GRM7: variants seen among roughly 807,000 people sequenced by gnomAD.
GRM7 encodes the protein glutamate metabotropic receptor 7.
GRM7 carries 35 observed loss-of-function variants against 84.5 expected under a neutral mutation model. The ratio of observed to expected loss-of-function variants is 0.41; its 90% confidence interval spans 0.32 to 0.55. The LOEUF (loss-of-function observed/expected upper bound fraction) is 0.55, where lower values mean the gene tolerates loss of function less well. Ranked by LOEUF, GRM7 falls within the 20% of genes least tolerant of loss-of-function variation. The pLI, the probability that GRM7 is intolerant of heterozygous loss-of-function variation, is 0.19. For synonymous variants in GRM7, 487 were observed against 455.1 expected (o/e 1.07, Z -0.89); for missense variants, 1,003 against 1,194.6 (o/e 0.84, Z 2.36).
chr3:7,043,055 C>T (rs1223980908), intron 1 of GRM7, among the ~76,000 whole-genome samples: 1 of 152,196 alleles, frequency 6.6e-6, no homozygotes, highest in Non-Finnish European at 1.5e-5. Flanking sequence ...GTTTTGAGTA[C>T]TGTCTCCAAT....
intron 1 of GRM7, among the ~76,000 whole-genome samples, chr3:7,071,665 CTAAAT>C: frequency 1.3e-5 from 2 of 152,026 alleles, no homozygotes; most frequent in South Asian, 4.2e-4. Flanking sequence ...TTGAGTGAGG[CTAAAT>C]TATTTTCACT....
At chr3:7,609,638 G>C (rs1013844901) in intron 8 of GRM7, among the ~76,000 whole-genome samples, 4 of 152,076 alleles carry the variant, frequency 2.6e-5, no homozygotes, top group Admixed American at 6.6e-5. Context: ...TATAAATGGA[G>C]TAAATGAAGG....
At chr3:7,363,247 T>C (rs1693745835) in intron 4 of GRM7, among the ~76,000 whole-genome samples, 1 of 152,004 alleles carries the variant, frequency 6.6e-6, no homozygotes, top group African/African-American at 2.4e-5. Flanking sequence ...AATAACAGTC[T>C]ATGTGAATCA....
At chr3:6,872,691 C>G (rs1167028573) in intron 1 of GRM7, among the ~76,000 whole-genome samples, 3 of 152,016 alleles carry the variant, frequency 2.0e-5, no homozygotes, top group Non-Finnish European at 4.4e-5. Flanking sequence ...TCAACTCCCA[C>G]TTATGAGTGA....
intron 5 of GRM7, among the ~76,000 whole-genome samples, chr3:7,440,178 T>C (rs1410156345): frequency 5.9e-5 from 9 of 152,146 alleles, no homozygotes; most frequent in Admixed American, 5.9e-4. Context: ...GATTTATTTC[T>C]GAGAATGTTC....
At chr3:7,565,986 GT>G (rs1392569418) in intron 7 of GRM7, among the ~76,000 whole-genome samples, 1 of 152,030 alleles carries the variant, frequency 6.6e-6, no homozygotes, top group African/African-American at 2.4e-5. Flanking sequence ...ATTTAAATAT[GT>G]TTGGTTAAGG....
At chr3:7,062,308 T>C (rs905196847) in intron 1 of GRM7, among the ~76,000 whole-genome samples, 3 of 151,560 alleles carry the variant, frequency 2.0e-5, no homozygotes, top group African/African-American at 7.3e-5. Flanking sequence ...TCAAAGAACA[T>C]GAAGGAGACG....
At chr3:7,187,586 G>A (rs989645035) in intron 2 of GRM7, among the ~76,000 whole-genome samples, 9 of 152,152 alleles carry the variant, frequency 5.9e-5, no homozygotes, top group Admixed American at 4.6e-4. Context: ...TTGCAGCTCC[G>A]TGATTGCTCC....
At chr3:7,460,930 G>C (rs944837377) in intron 6 of GRM7, among the ~76,000 whole-genome samples, 1 of 152,124 alleles carries the variant, frequency 6.6e-6, no homozygotes, top group Admixed American at 6.5e-5. Flanking sequence ...CAGAATAATT[G>C]GTTGTGTCTT....
At chr3:7,597,932 TTTCTC>T (rs1696128816) in intron 8 of GRM7, among the ~76,000 whole-genome samples, 1 of 152,102 alleles carries the variant, frequency 6.6e-6, no homozygotes, top group South Asian at 2.1e-4. Context: ...TTGAGGCAGT[TTTCTC>T]TCCTCATCCT....
At chr3:7,612,095 A>G (rs144852380) in intron 8 of GRM7, among the ~76,000 whole-genome samples, 2 of 152,226 alleles carry the variant, frequency 1.3e-5, no homozygotes, top group Non-Finnish European at 2.9e-5. Flanking sequence ...AGTCTTGGTT[A>G]GTAATTCTGT....
chr3:7,635,706 C>G (rs774736143), intron 8 of GRM7, among the ~76,000 whole-genome samples: 1 of 152,138 alleles, frequency 6.6e-6, no homozygotes, highest in Non-Finnish European at 1.5e-5. Context: ...CAAGGTCTTG[C>G]TGTGTTGCCC....
At chr3:7,424,237 T>G (rs1290972189) in intron 5 of GRM7, among the ~76,000 whole-genome samples, 1 of 151,976 alleles carries the variant, frequency 6.6e-6, no homozygotes, top group Non-Finnish European at 1.5e-5. Context: ...TAGGTGCCAT[T>G]GTTGTGGTTG....
At position 7,047,888 on chromosome 3, in the gene GRM7, C is replaced by G. The variant is rs1054362005; in HGVS notation, c.520-98564C>G. ...TTTATTTTGAAAATTACCGTGAGACCTCAACTTCACAATTCTACTAATGTC... is the reference window on the plus strand; with the variant it reads ...TTTATTTTGAAAATTACCGTGAGACGTCAACTTCACAATTCTACTAATGTC... On this transcript the variant is annotated intron_variant, in intron 1 of 9. Coordinates refer to ENST00000357716, the MANE Select transcript of GRM7 (RefSeq NM_000844.4). 2.6e-5 allele frequency among the ~76,000 whole-genome samples: 4 copies of G among 152,010 alleles called. No individual in the cohort carries two copies. In the South Asian group the frequency reaches 8.3e-4, roughly 32 times the overall value.
At chr3:7,426,759 C>T (rs972235413) in intron 5 of GRM7, among the ~76,000 whole-genome samples, 2 of 152,184 alleles carry the variant, frequency 1.3e-5, no homozygotes, top group Non-Finnish European at 1.5e-5. Flanking sequence ...TTCACATCCC[C>T]AGCCCTAGGC....
chr3:7,472,808 C>T (rs1012589147), intron 7 of GRM7, among the ~76,000 whole-genome samples: 3 of 152,306 alleles, frequency 2.0e-5, no homozygotes, highest in East Asian at 1.9e-4. Context: ...ATAACTTAGT[C>T]GTGCTAACTA....
At chr3:7,329,424 T>C (rs1701111994) in intron 4 of GRM7, among the ~76,000 whole-genome samples, 1 of 152,194 alleles carries the variant, frequency 6.6e-6, no homozygotes, top group Admixed American at 6.5e-5. Context: ...TTGCCGGTAA[T>C]TGAGAAGTTG....
chr3:7,321,593 TTG>T (rs1454581264), intron 4 of GRM7, among the ~76,000 whole-genome samples: 1 of 151,954 alleles, frequency 6.6e-6, no homozygotes, highest in Non-Finnish European at 1.5e-5. Context: ...ACTCTTGGGT[TTG>T]TGGCAGTTTT....
chr3:7,654,039 A>G (rs922337588), intron 8 of GRM7, among the ~76,000 whole-genome samples: 4 of 152,040 alleles, frequency 2.6e-5, no homozygotes, highest in Admixed American at 1.3e-4. Context: ...ACTTATAATC[A>G]TGCCCTAATG....
Sources: gnomAD v4.1 joint callset for allele counts (sites outside exome capture counted in the v4.1 genomes callset) on GRCh38, gnomAD v4.1.1 for gene constraint, MANE v1.5 for transcripts, NCBI Gene and HGNC (gene_info 2026-07-23, HGNC 2026-07-21) for gene names.